Variants in CFAP263 observed in about 807,000 individuals in gnomAD.
The protein encoded by CFAP263 is cilia- and flagella-associated protein 263.
chr16:58,278,515 C>T, the CFAP263 span: 9 of 1,614,192 alleles, frequency 5.6e-6, no homozygotes, highest in Non-Finnish European at 7.6e-6. Context: ...GAATAAGAGG[C>T]TCCGGAAGCA....
At chr16:58,279,656 C>CA in the CFAP263 span, 1 of 1,501,226 alleles carries the variant, frequency 6.7e-7, no homozygotes, top group Non-Finnish European at 8.9e-7. Flanking sequence ...TCTCCTTTAT[C>CA]ATTTTTTTTC....
chr16:58,262,589 A>ATAC, the CFAP263 span: 6 of 1,516,776 alleles, frequency 4.0e-6, no homozygotes, highest in Non-Finnish European at 2.7e-6. Context: ...TTCCACACTC[A>ATAC]CCTTTCTGGC....
chr16:58,264,284 C>G, the CFAP263 span, among the ~76,000 whole-genome samples: 4 of 152,282 alleles, frequency 2.6e-5, no homozygotes, highest in South Asian at 8.3e-4. Flanking sequence ...ATCAGTTAAG[C>G]AGCACAGGGC....
chr16:58,262,434 A>C, the CFAP263 span: 1 of 1,613,358 alleles, frequency 6.2e-7, no homozygotes, highest in Non-Finnish European at 8.5e-7. Flanking sequence ...CAGCAGTTGA[A>C]GATAGAGAAC....
the CFAP263 span, among the ~76,000 whole-genome samples, chr16:58,276,238 G>A: frequency 1.3e-5 from 2 of 152,126 alleles, no homozygotes; most frequent in Non-Finnish European, 2.9e-5. Context: ...GCTATGATGG[G>A]ATATTATTTT....
the CFAP263 span, chr16:58,278,624 T>A: frequency 6.2e-6 from 10 of 1,613,884 alleles, 1 homozygote; most frequent in South Asian, 8.8e-5. Context: ...GAAAGGAAAG[T>A]GGAGATAGCA....
the CFAP263 span, among the ~76,000 whole-genome samples, chr16:58,268,858 A>G: frequency 1.3e-5 from 2 of 152,112 alleles, no homozygotes; most frequent in Admixed American, 6.5e-5. Flanking sequence ...AGTATATTTT[A>G]GTTTTCTTGT....
the CFAP263 span, chr16:58,279,614 A>G: frequency 1.6e-6 from 2 of 1,220,476 alleles, no homozygotes; most frequent in Non-Finnish European, 2.3e-6. Flanking sequence ...CAGTAGCCAC[A>G]ATCAGTTTTC....
chr16:58,261,184 G>T, the CFAP263 span, among the ~76,000 whole-genome samples: 2 of 152,162 alleles, frequency 1.3e-5, no homozygotes, highest in African/African-American at 4.8e-5. Context: ...AAGGAGAGAG[G>T]GTCCAGGAGG....
chr16:58,262,391 G>A, the CFAP263 span: 2 of 1,607,774 alleles, frequency 1.2e-6, no homozygotes, highest in Non-Finnish European at 8.5e-7. Flanking sequence ...GTAGAAGGAA[G>A]AGGTGAGTGA....
At chr16:58,257,489 G>A in the CFAP263 span, among the ~76,000 whole-genome samples, 4 of 151,652 alleles carry the variant, frequency 2.6e-5, no homozygotes, top group Non-Finnish European at 2.9e-5. Context: ...GTGGCTATTC[G>A]CGGTCGCAAT....
chr16:58,265,410 G>A, the CFAP263 span, among the ~76,000 whole-genome samples: 2 of 152,190 alleles, frequency 1.3e-5, no homozygotes, highest in Admixed American at 6.5e-5. Context: ...TCTCCATTGT[G>A]GGCTAGAAGA....
chr16:58,272,173 G>A, the CFAP263 span, among the ~76,000 whole-genome samples: 2 of 151,738 alleles, frequency 1.3e-5, no homozygotes, highest in Non-Finnish European at 2.9e-5. Flanking sequence ...CCGCCACCAC[G>A]CCCGGCTAAT....
chr16:58,274,064 T>G, the CFAP263 span, among the ~76,000 whole-genome samples: 1 of 152,200 alleles, frequency 6.6e-6, no homozygotes, highest in African/African-American at 2.4e-5. Flanking sequence ...CCATCAGCCT[T>G]CATTAATTGT....
At chr16:58,265,147 G>A in the CFAP263 span, among the ~76,000 whole-genome samples, 3 of 152,164 alleles carry the variant, frequency 2.0e-5, no homozygotes, top group Non-Finnish European at 2.9e-5. Context: ...ATTCTAAGAT[G>A]TCCCCAAGAA....
At chr16:58,267,089 G>A in the CFAP263 span, among the ~76,000 whole-genome samples, 22 of 152,166 alleles carry the variant, frequency 1.4e-4, no homozygotes, top group Non-Finnish European at 2.4e-4. Flanking sequence ...GCTGTTTGTC[G>A]TATGTTCTCC....
the CFAP263 span, among the ~76,000 whole-genome samples, chr16:58,255,992 G>A: frequency 1.3e-5 from 2 of 152,200 alleles, no homozygotes; most frequent in Non-Finnish European, 2.9e-5. Context: ...CTGTTAATTC[G>A]GTTGCCCACA....
chr16:58,271,989 A>G, the CFAP263 span, among the ~76,000 whole-genome samples: 3 of 150,936 alleles, frequency 2.0e-5, no homozygotes, highest in Admixed American at 6.6e-5. Flanking sequence ...TTTTAACATC[A>G]TTTATTTATA....
chr16:58,267,992 A>G, the CFAP263 span, among the ~76,000 whole-genome samples: 9 of 151,794 alleles, frequency 5.9e-5, no homozygotes, highest in African/African-American at 2.2e-4. Flanking sequence ...TAAAGGAGAG[A>G]CAGAGAGAGG....
Sources: gnomAD v4.1 joint callset for allele counts (sites outside exome capture counted in the v4.1 genomes callset) on GRCh38, gnomAD v4.1.1 for gene constraint, MANE v1.5 for transcripts, NCBI Gene and HGNC (gene_info 2026-07-23, HGNC 2026-07-21) for gene names.